FNBP4: variants seen among roughly 807,000 people sequenced by gnomAD.
The protein encoded by FNBP4 is formin-binding protein 4.
FNBP4 carries 34 observed loss-of-function variants against 119.3 expected under a neutral mutation model. The ratio of observed to expected loss-of-function variants is 0.28; its 90% CI spans 0.22 to 0.38. FNBP4 has a LOEUF of 0.38. Among genes scored for constraint, FNBP4 ranks in the 10% least tolerant of loss-of-function variants. FNBP4 has a pLI of 1.00. For missense variants in FNBP4, 1,112 were observed against 1,228.9 expected, an observed-to-expected ratio of 0.90 and a Z score of 1.42; for synonymous variants, 462 against 430.6, an observed-to-expected ratio of 1.07 and a Z score of -0.90.
intron 6 of FNBP4, among the ~76,000 whole-genome samples, chr11:47,749,975 G>A (rs2097598687): frequency 6.6e-6 from 1 of 152,018 alleles, no homozygotes; most frequent in South Asian, 2.1e-4. Context: ...TATGGAATCC[G>A]AAAAATAATA....
chr11:47,761,078 T>A lies in FNBP4; in HGVS notation c.313+4192A>T, dbSNP rs112723614. Reference sequence around the variant, plus strand: ...GGCAAAGCAAATCATAGGACATACCTGATTTATTACCATTTTGTGATAAAT... The same window carrying A: ...GGCAAAGCAAATCATAGGACATACCAGATTTATTACCATTTTGTGATAAAT... On this transcript the variant is annotated intron_variant, in intron 2 of 16. Coordinates refer to ENST00000263773, the MANE Select transcript of FNBP4 (RefSeq NM_015308.5). Among the ~76,000 whole-genome samples, 930 of 152,316 alleles carry A rather than the reference T, an allele frequency of 6.1e-3. 14 individuals are homozygous for A. The highest frequency in any genetic ancestry group is 0.021 in the African/African-American group (860 of 41,578).
At chr11:47,758,295 C>G (rs945215178) in intron 2 of FNBP4, among the ~76,000 whole-genome samples, 11 of 152,122 alleles carry the variant, frequency 7.2e-5, no homozygotes, top group Admixed American at 2.6e-4. Context: ...AGGCTCATCT[C>G]GAACTCCTGG....
intron 14 of FNBP4, 76 bp downstream of exon 14, chr11:47,723,952 T>TGAA: frequency 7.5e-7 from 1 of 1,341,274 alleles, no homozygotes; most frequent in Non-Finnish European, 1.0e-6. Context: ...AACATTTCTT[T>TGAA]AGTTTTTATG....
At chr11:47,719,908 C>T in intron 16 of FNBP4, 21 bp downstream of exon 16, 2 of 1,612,842 alleles carry the variant, frequency 1.2e-6, no homozygotes, top group Non-Finnish European at 1.7e-6. Context: ...CCCATCTCAT[C>T]TGTGTTTCCT....
At chr11:47,748,944 G>A (rs2097596316) in intron 6 of FNBP4, among the ~76,000 whole-genome samples, 1 of 152,020 alleles carries the variant, frequency 6.6e-6, no homozygotes, top group Non-Finnish European at 1.5e-5. Context: ...ACTGCGCCAA[G>A]CTCAATTATA....
At position 47,765,295 on chromosome 11, in the gene FNBP4, A is replaced by G; in HGVS notation, c.288T>C (p.Thr96=). Residue 96 remains threonine (T), a synonymous_variant, in exon 2 of 17, where the codon ACT becomes ACC. Transcript: ENST00000263773. ...CTGTTGCTTTAACAGCTGTGGGTCTAGTGGTCATGACTGGTTTTGGAGGAT... is the reference window on the plus strand; with the variant it reads ...CTGTTGCTTTAACAGCTGTGGGTCTGGTGGTCATGACTGGTTTTGGAGGAT... ...VQNPPKPVMT[T]RPTAVKATGG... 3.1e-6 allele frequency: 5 copies of G among 1,611,912 alleles called. No homozygotes were observed. The highest frequency in any genetic ancestry group is 4.2e-6 in the Non-Finnish European group (5 of 1,179,060).
At position 47,732,726 on chromosome 11, in the gene FNBP4, G is replaced by A; in HGVS notation, c.1687-56C>T. On this transcript the variant is annotated intron_variant, in intron 10 of 16. Coordinates refer to ENST00000263773, the MANE Select transcript of FNBP4 (RefSeq NM_015308.5). The surrounding 1 kb of genome is among the most constrained non-coding windows in gnomAD (Gnocchi z 4.2). ...TTATTATTACATGTCAGGAGACACA[G>A]GCAAAGGGGATATAAACCTTCTGCT... The A allele has an allele frequency of 6.5e-7, 1 of 1,538,432 alleles. No individual in the cohort carries two copies. The highest frequency in any genetic ancestry group is 9.0e-7 in the Non-Finnish European group (1 of 1,112,414).
At chr11:47,752,631 G>A (rs2097606461) in intron 4 of FNBP4, 1 of 245,778 alleles carries the variant, frequency 4.1e-6, no homozygotes, top group African/African-American at 2.2e-5. Context: ...GCAACACAGT[G>A]AAACCACGTC....
intron 8 of FNBP4, among the ~76,000 whole-genome samples, chr11:47,739,125 TCTCA>T (rs995056841): frequency 1.3e-5 from 2 of 151,746 alleles, no homozygotes; most frequent in Admixed American, 1.3e-4. Flanking sequence ...AGAGACAAAG[TCTCA>T]CTATGTTGCC....
At position 47,723,007 on chromosome 11, in the gene FNBP4, G is replaced by A. The variant is rs761416531; in HGVS notation, c.2774C>T (p.Pro925Leu). The A allele has an allele frequency of 1.0e-5, 16 of 1,557,214 alleles. No individual in the cohort carries two copies. The highest frequency in any genetic ancestry group is 1.3e-5 in the Non-Finnish European group (15 of 1,151,236). The change falls in exon 15 of 17, where the codon CCT becomes CTT. Residue 925 changes from proline (P) to leucine (L), a missense_variant. Physicochemically the swap from Pro to Leu is moderately conservative, Grantham distance 98. This residue lies in a region of FNBP4 where 826 missense variants were observed against 988.8 expected (regional missense o/e 0.84). Coordinates refer to ENST00000263773, the MANE Select transcript of FNBP4 (RefSeq NM_015308.5). ...TTTCCTTCCTTTTTTTGTCTTTTCA[G>A]GTGGTGGCATTTTGGGAGCTGGTGG... ...PPPPAPKMPP[P>L]EKTKKGRKDK... is the part of the protein sequence containing the mutation.
rs2097559085 is a variant in FNBP4, at chr11:47,724,630, T to C, written c.2157A>G (p.Pro719=). 6.2e-7 allele frequency: 1 copy of C among 1,613,930 alleles called. No homozygotes were observed. Among genetic ancestry groups the C allele is most frequent in the Non-Finnish European group, 8.5e-7 (1 of 1,179,932 alleles). The change falls in exon 13 of 17, where the codon CCA becomes CCG. Residue 719 remains proline (P), a synonymous_variant. Transcript: ENST00000263773. ...LEMPPPPPPP[P]ESPPPPPPPP... ...GTGGAGGAGGGGGTGGAGGTGATTC[T>C]GGAGGTGGAGGTGGGGGTGGTGGCA...
At position 47,751,272 on chromosome 11, in the gene FNBP4, T is replaced by C. The variant is rs773275796; in HGVS notation, c.656A>G (p.Asp219Gly). 2 of 1,614,128 alleles carry C rather than the reference T, an allele frequency of 1.2e-6. No homozygotes were observed. The highest frequency in any genetic ancestry group is 1.7e-6 in the Non-Finnish European group (2 of 1,180,032). ...GTTCTCATCCCAGACTTCCTGCCAA[T>C]CGCCCATCTCAATTCCGACTAGAAG... is the stretch of plus-strand genomic sequence containing the variant. ...SLAGVGIEMG[D>G]WQEVWDENTG... Residue 219 changes from aspartate to glycine, a missense_variant, in exon 5 of 17, where the codon GAT becomes GGT. Around this residue, in one of 2 missense-constraint regions of FNBP4, gnomAD observed 826 missense variants for 988.8 expected, o/e 0.84. Transcript: ENST00000263773.
intron 2 of FNBP4, among the ~76,000 whole-genome samples, chr11:47,763,420 CAAA>C (rs34974843): frequency 0.36 from 45,943 of 126,466 alleles, 8,708 homozygotes; most frequent in South Asian, 0.53. Flanking sequence ...CACTTGAACT[CAAA>C]AAAAAAAAAA....
At chr11:47,725,399 A>G (rs1299344324) in intron 12 of FNBP4, 4 of 152,268 alleles carry the variant, frequency 2.6e-5, no homozygotes, top group African/African-American at 9.6e-5. Flanking sequence ...AATTTAAAAA[A>G]TCCATTTGCA....
chr11:47,745,519 G>C (rs1239620920), intron 7 of FNBP4, among the ~76,000 whole-genome samples: 2 of 152,102 alleles, frequency 1.3e-5, no homozygotes, highest in East Asian at 3.8e-4. Context: ...TCTGTGGTCA[G>C]ACTGATTCTC....
At chr11:47,759,124 T>C (rs1222786089) in intron 2 of FNBP4, among the ~76,000 whole-genome samples, 1 of 151,988 alleles carries the variant, frequency 6.6e-6, no homozygotes, top group East Asian at 2.0e-4. Context: ...TTCACCATGT[T>C]GGCCACGCTG....
chr11:47,761,567 G>C (rs2097634585), intron 2 of FNBP4, among the ~76,000 whole-genome samples: 1 of 150,448 alleles, frequency 6.6e-6, no homozygotes, highest in African/African-American at 2.4e-5. Context: ...ACTCCAGCCT[G>C]GGCGACAGAA....
chr11:47,732,372 T>C lies in FNBP4; in HGVS notation c.1820+165A>G. 1 of 1,511,770 alleles carries C rather than the reference T, an allele frequency of 6.6e-7. No individual in the cohort carries two copies. Among genetic ancestry groups the C allele is most frequent in the African/African-American group, 1.4e-5 (1 of 71,730 alleles). 93.6% of individuals were successfully genotyped at this position (1,511,770 alleles called of 1,614,324 possible). ...AAACATTGCTTTTGTTTCTCCAATG[T>C]GTGGCTGGCCAAACTTTGTGCTTGC... is the stretch of plus-strand genomic sequence containing the variant. On this transcript the variant is annotated intron_variant, in intron 11 of 16. Transcript: ENST00000263773. The surrounding 1 kb of genome is among the most constrained non-coding windows in gnomAD (Gnocchi z 4.2).
At position 47,720,009 on chromosome 11, in the gene FNBP4, G is replaced by T. The variant is rs201306365; in HGVS notation, c.2883C>A (p.Asp961Glu). 1 of 1,613,824 alleles carries T rather than the reference G, an allele frequency of 6.2e-7. No homozygotes were observed. Among genetic ancestry groups the T allele is most frequent in the African/African-American group, 1.3e-5 (1 of 74,854 alleles). Reference protein sequence around the residue: ...QSIQRELDEEDNSSSSEEDRE... With the variant: ...QSIQRELDEEENSSSSEEDRE... ...GATCCTCTTCACTGGAACTAGAATT[G>T]TCCTCTTCATCTAACTCACGCTGGA... Residue 961 changes from aspartate (D) to glutamate (E), a missense_variant, in exon 16 of 17, where the codon GAC (aspartate) becomes GAA (glutamate). Asp to Glu is a conservative substitution (Grantham distance 45, BLOSUM62 2). Around this residue, in one of 2 missense-constraint regions of FNBP4, gnomAD observed 826 missense variants for 988.8 expected, o/e 0.84. Coordinates refer to ENST00000263773, the MANE Select transcript of FNBP4 (RefSeq NM_015308.5).
Sources: allele counts gnomAD v4.1 joint callset (sites outside exome capture counted in the v4.1 genomes callset), GRCh38; gene constraint gnomAD v4.1.1; regional missense constraint gnomAD v4.1.1; non-coding constraint Gnocchi (gnomAD v3.1); transcripts MANE v1.5; gene names NCBI Gene and HGNC (gene_info 2026-07-23, HGNC 2026-07-21).